The following DSCAML1 variants were observed in gnomAD, a reference collection of about 807,000 sequenced individuals.
The protein encoded by DSCAML1 is DS cell adhesion molecule like 1.
A neutral mutation model predicts 200.5 loss-of-function variants in DSCAML1; 38 were observed. The ratio of observed to expected loss-of-function variants is 0.19; its 90% CI spans 0.15 to 0.25. DSCAML1 has a LOEUF of 0.25. DSCAML1 is among the 10% of genes least tolerant of loss of function. The pLI, the probability that DSCAML1 is intolerant of heterozygous loss-of-function variation, is 1.00. For synonymous variants in DSCAML1, 1,215 were observed against 1,165.0 expected (o/e 1.04, Z -0.87); for missense variants, 2,223 against 2,858.8 (o/e 0.78, Z 5.07).
intron 3 of DSCAML1, among the ~76,000 whole-genome samples, chr11:117,598,832 A>C (rs1313463052): frequency 6.6e-6 from 1 of 152,200 alleles, no homozygotes; most frequent in Non-Finnish European, 1.5e-5. Context: ...TAAACTGATT[A>C]GGAGCTCTGG....
chr11:117,607,795 G>A (rs550322116), intron 3 of DSCAML1, among the ~76,000 whole-genome samples: 3 of 152,332 alleles, frequency 2.0e-5, no homozygotes, highest in South Asian at 2.1e-4. Flanking sequence ...TGTTCCCAAC[G>A]CCACGGGGAT....
intron 3 of DSCAML1, among the ~76,000 whole-genome samples, chr11:117,562,493 C>G (rs1157096424): frequency 1.3e-5 from 2 of 151,990 alleles, no homozygotes; most frequent in Admixed American, 6.5e-5. Flanking sequence ...TGTGTTTAAC[C>G]CCACTTTGTG....
chr11:117,430,708 G>A lies in DSCAML1; in HGVS notation c.5686+14C>T. 6.2e-7 allele frequency: 1 copy of A among 1,602,336 alleles called. No homozygotes were observed. On this transcript the variant is annotated intron_variant, in intron 32 of 32. Coordinates refer to ENST00000651296, the MANE Select transcript of DSCAML1 (RefSeq NM_020693.4). ...GCGGGGGGGCACTGCCTGGGAGGTG[G>A]TCTGAGCACTCACTCTTGTTGGCCC... is the stretch of plus-strand genomic sequence containing the variant.
chr11:117,695,025 T>C (rs1353098978), intron 3 of DSCAML1, among the ~76,000 whole-genome samples: 2 of 152,096 alleles, frequency 1.3e-5, no homozygotes, highest in African/African-American at 4.8e-5. Flanking sequence ...GAAAGGACTT[T>C]AGAAAGATGC....
At chr11:117,770,025 C>T (rs987327294) in intron 3 of DSCAML1, among the ~76,000 whole-genome samples, 17 of 152,210 alleles carry the variant, frequency 1.1e-4, no homozygotes, top group Middle Eastern at 3.2e-3. Context: ...TGTGCCTGCA[C>T]TGTCACCTCC....
At chr11:117,648,252 C>G (rs1371352033) in intron 3 of DSCAML1, among the ~76,000 whole-genome samples, 1 of 152,220 alleles carries the variant, frequency 6.6e-6, no homozygotes, top group East Asian at 1.9e-4. Context: ...ATTACTTCCA[C>G]TCTGGAAACC....
intron 3 of DSCAML1, among the ~76,000 whole-genome samples, chr11:117,705,405 C>A (rs1358021010): frequency 6.6e-6 from 1 of 152,174 alleles, no homozygotes; most frequent in Non-Finnish European, 1.5e-5. Flanking sequence ...ACTTTCTACT[C>A]CCCAGCAACA....
At chr11:117,716,729 CA>C (rs2053958044) in intron 3 of DSCAML1, among the ~76,000 whole-genome samples, 1 of 152,094 alleles carries the variant, frequency 6.6e-6, no homozygotes, top group African/African-American at 2.4e-5. Context: ...AAGAAAACAC[CA>C]AAAGGAGATT....
intron 3 of DSCAML1, among the ~76,000 whole-genome samples, chr11:117,580,055 C>G (rs1210662521): frequency 6.6e-6 from 1 of 152,188 alleles, no homozygotes; most frequent in Non-Finnish European, 1.5e-5. Flanking sequence ...CCTTACCCAT[C>G]TTCAAGTGTC....
At chr11:117,638,352 GTGTGTGTGT>G (rs2052334197) in intron 3 of DSCAML1, among the ~76,000 whole-genome samples, 1 of 150,848 alleles carries the variant, frequency 6.6e-6, no homozygotes, top group Non-Finnish European at 1.5e-5. Context: ...GTGTGTGTGT[GTGTGTGTGT>G]GTGTTTGCAA....
chr11:117,561,987 G>A (rs2050671711), intron 3 of DSCAML1, among the ~76,000 whole-genome samples: 1 of 152,232 alleles, frequency 6.6e-6, no homozygotes, highest in Non-Finnish European at 1.5e-5. Flanking sequence ...AGTCCAGGAG[G>A]AACATGTTGG....
Position 117,521,152 on chromosome 11 carries a change from G to A in DSCAML1, c.1191C>T (p.Asp397=). The change falls in exon 6 of 33, where the codon GAC becomes GAT. Residue 397 remains aspartate, a synonymous_variant. Transcript: ENST00000651296. The part of the protein sequence containing the change: ...FATRKAQTAQ[D]FAIIALEDGT... Reference sequence around the variant, plus strand: ...CACCCTCAAGTGCAATGATGGCAAAGTCCTGGGCGGTCTGGGCCTTGCGGG... The same window carrying A: ...CACCCTCAAGTGCAATGATGGCAAAATCCTGGGCGGTCTGGGCCTTGCGGG... The A allele has an allele frequency of 6.2e-7, 1 of 1,613,960 alleles. No individual in the cohort carries two copies. The highest frequency in any genetic ancestry group is 2.2e-5 in the East Asian group (1 of 44,866).
At chr11:117,570,814 G>A (rs2050836727) in intron 3 of DSCAML1, among the ~76,000 whole-genome samples, 1 of 152,218 alleles carries the variant, frequency 6.6e-6, no homozygotes, top group African/African-American at 2.4e-5. Context: ...GTGGGAGTGG[G>A]AGGTCCAGCT....
chr11:117,723,801 A>G (rs1591441955), intron 3 of DSCAML1, among the ~76,000 whole-genome samples: 2 of 152,338 alleles, frequency 1.3e-5, no homozygotes, highest in East Asian at 1.9e-4. Flanking sequence ...CCTCATCTGC[A>G]GCGTCTCCTC....
chr11:117,748,312 C>T (rs10892167), intron 3 of DSCAML1, among the ~76,000 whole-genome samples: 1 of 152,070 alleles, frequency 6.6e-6, no homozygotes, highest in African/African-American at 2.4e-5. Flanking sequence ...CCATTAGAAA[C>T]GTCACACTGA....
At chr11:117,753,645 C>T (rs1011480861) in intron 3 of DSCAML1, among the ~76,000 whole-genome samples, 3 of 152,136 alleles carry the variant, frequency 2.0e-5, no homozygotes, top group African/African-American at 4.8e-5. Context: ...AAGTGTGATG[C>T]GTGGCTAAGT....
intron 4 of DSCAML1, among the ~76,000 whole-genome samples, chr11:117,529,558 A>G (rs1274305029): frequency 6.6e-6 from 1 of 152,218 alleles, no homozygotes; most frequent in Non-Finnish European, 1.5e-5. Context: ...TGCCATCTTA[A>G]TAATACACCT....
In DSCAML1 at chr11:117,428,632, A is replaced by G. The variant is rs1229054367; in HGVS notation, c.5858T>C (p.Leu1953Ser). The part of the protein sequence containing the change: ...HLTLDPASKS[L>S]GLPHPGAPAA... ...GGGGGCCCCTGGGTGGGGAAGGCCC[A>G]AGGACTTGCTGGCAGGGTCCAGGGT... Residue 1953 changes from leucine to serine, a missense_variant, in exon 33 of 33, where the codon TTG (leucine) becomes TCG (serine). This residue lies in a region of DSCAML1 where 280 missense variants were observed against 213.4 expected (regional missense o/e 1.31). Transcript: ENST00000651296. 3 of 1,610,862 alleles carry G rather than the reference A, an allele frequency of 1.9e-6. No individual in the cohort carries two copies. Among genetic ancestry groups the G allele is most frequent in the Non-Finnish European group, 2.5e-6 (3 of 1,178,846 alleles).
intron 3 of DSCAML1, among the ~76,000 whole-genome samples, chr11:117,564,398 G>A (rs1356854288): frequency 6.6e-6 from 1 of 152,184 alleles, no homozygotes; most frequent in East Asian, 1.9e-4. Context: ...AGAACACACA[G>A]CTCTCAAGAG....
Sources: gnomAD v4.1 joint callset for allele counts (sites outside exome capture counted in the v4.1 genomes callset) on GRCh38, gnomAD v4.1.1 for gene constraint, gnomAD v4.1.1 regional missense constraint, MANE v1.5 for transcripts, NCBI Gene and HGNC (gene_info 2026-07-23, HGNC 2026-07-21) for gene names.